Variants in CPLX2 observed in about 807,000 individuals in gnomAD.
The protein encoded by CPLX2 is complexin 2, also known as complexin-2.
In CPLX2, 5 loss-of-function variants were observed where a neutral mutation model predicts 16.3. That is an observed-to-expected ratio of 0.31 (90% CI 0.16 to 0.64). The LOEUF (loss-of-function observed/expected upper bound fraction) is 0.64, where lower values mean the gene tolerates loss of function less well. CPLX2 is among the 30% of genes least tolerant of loss of function. CPLX2 has a pLI of 0.79. For synonymous variants in CPLX2, 89 were observed against 73.2 expected, an observed-to-expected ratio of 1.22 and a Z score of -1.10; for missense variants, 144 against 181.4, an observed-to-expected ratio of 0.79 and a Z score of 1.18.
intron 2 of CPLX2, among the ~76,000 whole-genome samples, chr5:175,856,190 T>C (rs532121647): frequency 6.6e-6 from 1 of 152,318 alleles, no homozygotes; most frequent in Admixed American, 6.5e-5. Context: ...CTCTGTAAAA[T>C]GGGCATAACA....
intron 2 of CPLX2, among the ~76,000 whole-genome samples, chr5:175,858,478 A>G (rs1253726085): frequency 2.0e-5 from 3 of 152,204 alleles, no homozygotes; most frequent in Non-Finnish European, 4.4e-5. Flanking sequence ...GGAGAGCTAC[A>G]TCAAGGCATG....
chr5:175,807,404 G>A (rs1303290807), intron 1 of CPLX2, among the ~76,000 whole-genome samples: 1 of 152,180 alleles, frequency 6.6e-6, no homozygotes, highest in Non-Finnish European at 1.5e-5. Context: ...TTAAAGGCCA[G>A]CCTCCTGTCC....
chr5:175,817,589 A>G (rs1758432035), intron 2 of CPLX2, among the ~76,000 whole-genome samples: 1 of 152,176 alleles, frequency 6.6e-6, no homozygotes, highest in African/African-American at 2.4e-5. Context: ...AGCCCTGAGC[A>G]TCTTGCTCCA....
intron 1 of CPLX2, among the ~76,000 whole-genome samples, chr5:175,802,017 G>A (rs1215229640): frequency 6.6e-6 from 1 of 152,220 alleles, no homozygotes; most frequent in East Asian, 1.9e-4. Context: ...CCTCCACTGA[G>A]TTAACATCTG....
At chr5:175,818,698 G>T (rs1758454085) in intron 2 of CPLX2, among the ~76,000 whole-genome samples, 1 of 109,174 alleles carries the variant, frequency 9.2e-6, no homozygotes, top group Admixed American at 1.5e-4. Flanking sequence ...GTCTTGCTCT[G>T]TCACCTGGGC....
At chr5:175,864,759 G>T (rs912424039) in intron 2 of CPLX2, among the ~76,000 whole-genome samples, 7 of 152,134 alleles carry the variant, frequency 4.6e-5, no homozygotes, top group Admixed American at 2.6e-4. Context: ...ACATAGGGTT[G>T]TCATATGGCT....
chr5:175,821,464 A>G (rs542662238), intron 2 of CPLX2, among the ~76,000 whole-genome samples: 11 of 151,854 alleles, frequency 7.2e-5, no homozygotes, highest in South Asian at 2.1e-4. Context: ...CTGGAGTGCA[A>G]TGGCGCGATC....
At chr5:175,798,930 G>C (rs746761279) in intron 1 of CPLX2, among the ~76,000 whole-genome samples, 1 of 152,182 alleles carries the variant, frequency 6.6e-6, no homozygotes, top group Non-Finnish European at 1.5e-5. Context: ...CTTCTGCCAT[G>C]CAGATACTGG....
chr5:175,860,489 GAAAGAAAGAAAAGAAAGAAAGAAAGA>G, intron 2 of CPLX2, among the ~76,000 whole-genome samples: 2 of 88,978 alleles, frequency 2.2e-5, no homozygotes, highest in Non-Finnish European at 4.2e-5. Context: ...AAGAAAGAAA[GAAAGAAAGAAAAGAAAGAAAGAAAGA>G]AAAAGAAAGA....
intron 2 of CPLX2, among the ~76,000 whole-genome samples, chr5:175,829,824 C>T (rs1019410424): frequency 2.6e-5 from 4 of 152,354 alleles, no homozygotes; most frequent in Admixed American, 6.5e-5. Flanking sequence ...CCTTACTACT[C>T]AGGCAGTGCC....
intron 2 of CPLX2, among the ~76,000 whole-genome samples, chr5:175,824,040 A>AC (rs1217617618): frequency 6.6e-6 from 1 of 152,020 alleles, no homozygotes; most frequent in African/African-American, 2.4e-5. Context: ...TGTCCCCAAC[A>AC]CCCACAGGCC....
intron 2 of CPLX2, among the ~76,000 whole-genome samples, chr5:175,835,195 A>G (rs569200825): frequency 3.3e-5 from 5 of 152,232 alleles, no homozygotes; most frequent in Non-Finnish European, 7.3e-5. Flanking sequence ...ATACGTTTAG[A>G]TCATATTACA....
At chr5:175,797,969 A>C (rs769889705) in intron 1 of CPLX2, among the ~76,000 whole-genome samples, 1 of 152,134 alleles carries the variant, frequency 6.6e-6, no homozygotes, top group Non-Finnish European at 1.5e-5. Flanking sequence ...GACACTCTAG[A>C]TCACTGATTG....
At position 175,830,600 on chromosome 5, in the gene CPLX2, G is replaced by C. The variant is rs911876313; in HGVS notation, c.-89+21532G>C. The stretch of plus-strand genomic sequence containing the variant: ...TAACAAGGACTCTGGTGGTCTCTTC[G>C]AGGGACCCTCATACATAGCTCTGCA... On this transcript the variant is annotated intron_variant, in intron 2 of 4. Transcript: ENST00000359546. This position sits in a 1 kb window ranked among gnomAD's most constrained non-coding sequence, Gnocchi z 4.0. 6.6e-6 allele frequency among the ~76,000 whole-genome samples: 1 copy of C among 152,166 alleles called. No individual in the cohort carries two copies. The highest frequency in any genetic ancestry group is 6.5e-5 in the Admixed American group (1 of 15,288).
At chr5:175,812,238 C>G (rs1242097383) in intron 2 of CPLX2, among the ~76,000 whole-genome samples, 2 of 152,252 alleles carry the variant, frequency 1.3e-5, no homozygotes, top group Non-Finnish European at 2.9e-5. Flanking sequence ...GCTCAGGCCC[C>G]TTGGCCAGCC....
intron 1 of CPLX2, among the ~76,000 whole-genome samples, chr5:175,874,168 G>A (rs866506525): frequency 6.6e-6 from 1 of 152,208 alleles, no homozygotes; most frequent in African/African-American, 2.4e-5. Context: ...ATGGCCACGT[G>A]GAGGCTGGAT....
chr5:175,847,674 C>T (rs1759073099), intron 2 of CPLX2, among the ~76,000 whole-genome samples: 1 of 152,218 alleles, frequency 6.6e-6, no homozygotes, highest in Non-Finnish European at 1.5e-5. Context: ...TCAACAACTC[C>T]TGCAGGGGGC....
chr5:175,815,635 C>A (rs918383087), intron 2 of CPLX2, among the ~76,000 whole-genome samples: 2 of 152,020 alleles, frequency 1.3e-5, no homozygotes, highest in African/African-American at 4.8e-5. Context: ...ACAATATGTA[C>A]CACCAGTTTG....
At chr5:175,867,439 C>T (rs1246523360), upstream of CPLX2, among the ~76,000 whole-genome samples, 1 of 152,106 alleles carries the variant, frequency 6.6e-6, no homozygotes, top group East Asian at 1.9e-4. Context: ...AGACATACAC[C>T]AATATACAGA....
Sources: gnomAD v4.1 joint callset for allele counts (sites outside exome capture counted in the v4.1 genomes callset) on GRCh38, gnomAD v4.1.1 for gene constraint, Gnocchi (gnomAD v3.1) non-coding constraint, MANE v1.5 for transcripts, NCBI Gene and HGNC (gene_info 2026-07-23, HGNC 2026-07-21) for gene names.